The following SYN2 variants were observed in gnomAD, a reference collection of about 807,000 sequenced individuals.
SYN2 encodes the protein synapsin-2.
A neutral mutation model predicts 50.9 loss-of-function variants in SYN2; 19 were observed. The observed-to-expected ratio is 0.37, with a 90% CI of 0.26 to 0.55. The LOEUF is 0.55. Among genes scored for constraint, SYN2 ranks in the 20% least tolerant of loss-of-function variants. SYN2 has a pLI of 0.81. For synonymous variants in SYN2, 255 were observed against 224.9 expected (o/e 1.13, Z -1.20); for missense variants, 587 against 576.4 (o/e 1.02, Z -0.19).
chr3:12,050,264 A>G (rs528575888), intron 1 of SYN2, among the ~76,000 whole-genome samples: 25 of 151,500 alleles, frequency 1.7e-4, no homozygotes, highest in African/African-American at 5.3e-4. Flanking sequence ...GTTAGAGTTT[A>G]TTAGAGTAAA....
chr3:12,186,675 A>G lies in SYN2; in HGVS notation c.1370-694A>G, dbSNP rs144981078. Among the ~76,000 whole-genome samples, 548 of 152,310 alleles carry G rather than the reference A, an allele frequency of 3.6e-3. 4 individuals carry two copies. Among genetic ancestry groups the G allele is most frequent in the African/African-American group, 0.012 (517 of 41,570 alleles). ...TGCTAAAATGAAGCCCTGGTGGGGC[A>G]TGGTGGGCCTGGCAATCAGACCCAC... On this transcript the variant is annotated intron_variant, in intron 11 of 12. Coordinates refer to ENST00000621198, the MANE Select transcript of SYN2 (RefSeq NM_133625.6).
chr3:12,091,669 G>A (rs1043389331), intron 1 of SYN2, among the ~76,000 whole-genome samples: 2 of 152,140 alleles, frequency 1.3e-5, no homozygotes, highest in Admixed American at 1.3e-4. Flanking sequence ...TGGATTATGG[G>A]TATTATTTAT....
chr3:12,190,772 C>T lies in SYN2; in HGVS notation c.*147C>T. The T allele has an allele frequency of 1.4e-6, 2 of 1,420,550 alleles. No homozygotes were observed. Among genetic ancestry groups the T allele is most frequent in the Non-Finnish European group, 1.8e-6 (2 of 1,092,300 alleles). 88.0% of individuals were successfully genotyped at this position (1,420,550 alleles called of 1,614,324 possible). ...CTCTGTTGTACTAAGTGATGTTGTGCAGCCCAGAAAGGACCATTTGACAGT... is the reference window on the plus strand; with the variant it reads ...CTCTGTTGTACTAAGTGATGTTGTGTAGCCCAGAAAGGACCATTTGACAGT... On this transcript the variant is annotated 3_prime_UTR_variant, in exon 13 of 13. Coordinates refer to ENST00000621198, the MANE Select transcript of SYN2 (RefSeq NM_133625.6).
rs181525332 is a variant in SYN2, at chr3:12,062,200, A to T, written c.377+57272A>T. Among the ~76,000 whole-genome samples the T allele has an allele frequency of 4.3e-3, 651 of 152,188 alleles. 9 individuals carry two copies. Among genetic ancestry groups the T allele is most frequent in the Non-Finnish European group, 5.8e-3 (396 of 67,918 alleles). On this transcript the variant is annotated intron_variant, in intron 1 of 12. Transcript: ENST00000621198. Reference sequence around the variant, plus strand: ...AGATCTATTTCAATCAATGGAACAGAGAGCCCAGAAATAGACTCACACAGA... The same window carrying T: ...AGATCTATTTCAATCAATGGAACAGTGAGCCCAGAAATAGACTCACACAGA...
At chr3:12,158,014 G>A (rs1257627540) in intron 5 of SYN2, among the ~76,000 whole-genome samples, 1 of 152,182 alleles carries the variant, frequency 6.6e-6, no homozygotes, top group African/African-American at 2.4e-5. Flanking sequence ...CCTTGCACTA[G>A]GCACTAGGCC....
Position 12,183,312 on chromosome 3 carries a change from A to G in SYN2, c.1309A>G (p.Ser437Gly). 6.2e-7 allele frequency: 1 copy of G among 1,606,990 alleles called. No homozygotes were observed. Residue 437 changes from serine (S) to glycine (G), a missense_variant and splice_region_variant, in exon 11 of 13, where the codon AGC becomes GGC. Coordinates refer to ENST00000621198, the MANE Select transcript of SYN2 (RefSeq NM_133625.6). ...TATCTCTTACATTTTTGTCTTCCAG[A>G]GCGGAACACTTAAGGATCCGGACTC... ...QRPLTTQQPQ[S>G]GTLKDPDSSK...
intron 7 of SYN2, 116 bp downstream of exon 7, chr3:12,162,270 C>T (rs1039068883): frequency 2.2e-6 from 3 of 1,341,690 alleles, no homozygotes; most frequent in Non-Finnish European, 2.0e-6. Flanking sequence ...GATTTTTTTA[C>T]CTGGGTTCCT....
intron 5 of SYN2, chr3:12,154,469 G>A: frequency 1.2e-6 from 2 of 1,613,682 alleles, no homozygotes; most frequent in Non-Finnish European, 8.5e-7. Flanking sequence ...GGGAGATGGA[G>A]GAGAGTCAAG....
rs1694887233 is a variant in SYN2, at chr3:12,052,481, T to G, written c.377+47553T>G. Among the ~76,000 whole-genome samples, 5 of 152,172 alleles carry G rather than the reference T, an allele frequency of 3.3e-5. No individual in the cohort carries two copies. The South Asian group carries it at 1.0e-3, about 31-fold the overall frequency. On this transcript the variant is annotated intron_variant, in intron 1 of 12. Coordinates refer to ENST00000621198, the MANE Select transcript of SYN2 (RefSeq NM_133625.6). Reference sequence around the variant, plus strand: ...TTGGCTATACTTTCAAGAAAAAAATTAAATTGACTGTTAGAATTGGGCAAG... The same window carrying G: ...TTGGCTATACTTTCAAGAAAAAAATGAAATTGACTGTTAGAATTGGGCAAG...
At chr3:12,012,302 A>G (rs963343850) in intron 1 of SYN2, among the ~76,000 whole-genome samples, 1 of 152,194 alleles carries the variant, frequency 6.6e-6, no homozygotes, top group Non-Finnish European at 1.5e-5. Context: ...TAACTAATTA[A>G]GGAAGGATGG....
At chr3:12,066,966 GGA>G (rs1406956094) in intron 1 of SYN2, among the ~76,000 whole-genome samples, 1 of 152,138 alleles carries the variant, frequency 6.6e-6, no homozygotes, top group African/African-American at 2.4e-5. Flanking sequence ...CATGGTGGCA[GGA>G]GAGTGAGTTC....
chr3:12,154,281 A>G, intron 5 of SYN2: 1 of 1,613,356 alleles, frequency 6.2e-7, no homozygotes. Flanking sequence ...AAGGCTCAGA[A>G]CCCTTCCCCC....
At position 12,024,889 on chromosome 3, in the gene SYN2, A is replaced by C. The variant is rs193118519; in HGVS notation, c.377+19961A>C. Among the ~76,000 whole-genome samples the C allele has an allele frequency of 1.5e-3, 224 of 152,192 alleles. 1 individual carries two copies. Among genetic ancestry groups the C allele is most frequent in the Non-Finnish European group, 1.2e-3 (83 of 68,020 alleles). ...TTACAGAATGATTGTACCAGTTTAC[A>C]CTCCCACCAGCAGTATATGAGAGTT... On this transcript the variant is annotated intron_variant, in intron 1 of 12. Coordinates refer to ENST00000621198, the MANE Select transcript of SYN2 (RefSeq NM_133625.6).
chr3:12,067,736 C>G (rs978915285), intron 1 of SYN2, among the ~76,000 whole-genome samples: 1 of 152,096 alleles, frequency 6.6e-6, no homozygotes, highest in Non-Finnish European at 1.5e-5. Context: ...GTCTTCACTT[C>G]TTAAGCATTC....
At chr3:12,166,872 C>G (rs1194792095) in intron 7 of SYN2, among the ~76,000 whole-genome samples, 1 of 152,196 alleles carries the variant, frequency 6.6e-6, no homozygotes, top group African/African-American at 2.4e-5. Context: ...GTGGAAAAAT[C>G]TAAGCTTAAG....
chr3:12,125,997 C>G (rs1696660797), intron 1 of SYN2, among the ~76,000 whole-genome samples: 1 of 152,104 alleles, frequency 6.6e-6, no homozygotes, highest in Non-Finnish European at 1.5e-5. Flanking sequence ...ATGACAGAGA[C>G]AGACTAGAGT....
chr3:12,117,275 A>C (rs1696455476), intron 1 of SYN2, among the ~76,000 whole-genome samples: 1 of 152,202 alleles, frequency 6.6e-6, no homozygotes, highest in East Asian at 1.9e-4. Context: ...CACTGGATCC[A>C]GTTGTTATTC....
intron 5 of SYN2, chr3:12,154,591 C>T (rs2125228157): frequency 1.2e-6 from 1 of 820,984 alleles, no homozygotes; most frequent in South Asian, 1.8e-5. Context: ...AGTGAAGGGA[C>T]CAATAAATAA....
chr3:12,145,452 C>A (rs561466272), intron 3 of SYN2, among the ~76,000 whole-genome samples: 1 of 152,258 alleles, frequency 6.6e-6, no homozygotes, highest in South Asian at 2.1e-4. Context: ...AGGAGGATCA[C>A]CTGAACCCAG....
Sources: allele counts gnomAD v4.1 joint callset (sites outside exome capture counted in the v4.1 genomes callset), GRCh38; gene constraint gnomAD v4.1.1; transcripts MANE v1.5; gene names NCBI Gene and HGNC (gene_info 2026-07-23, HGNC 2026-07-21).